The following VRK2 variants were observed in gnomAD, a reference collection of about 807,000 sequenced individuals.
VRK2 encodes the protein VRK serine/threonine kinase 2, also known as serine/threonine-protein kinase VRK2.
In VRK2, 60 loss-of-function variants were observed where a neutral mutation model predicts 57.6. The observed-to-expected ratio is 1.04, with a 90% CI of 0.85 to 1.29. VRK2 has a LOEUF of 1.29. Among genes scored for constraint, VRK2 ranks in the 50% most tolerant of loss-of-function variants. VRK2 has a pLI of 0.00. For synonymous variants in VRK2, 231 were observed against 199.2 expected (o/e 1.16, Z -1.35); for missense variants, 705 against 588.1 (o/e 1.20, Z -2.06).
chr2:58,002,157 G>A lies in VRK2; in HGVS notation c.-438-23508G>A, dbSNP rs115680003. 5.3e-5 allele frequency among the ~76,000 whole-genome samples: 8 copies of A among 152,216 alleles called. No homozygotes were observed. In the South Asian group the frequency reaches 1.7e-3, roughly 32 times the overall value. On this transcript the variant is annotated intron_variant, in intron 1 of 15. Transcript: ENST00000417641. ...CTGCTCTTTGTTGTATATAATTCTG[G>A]TGAGGAAGTAAATCTCAAGAGATAT...
chr2:57,964,532 G>A (rs1484012582), intron 1 of VRK2, among the ~76,000 whole-genome samples: 1 of 152,022 alleles, frequency 6.6e-6, no homozygotes, highest in East Asian at 1.9e-4. Flanking sequence ...TGTATAAATG[G>A]ACTCATGCAG....
intron 2 of VRK2, among the ~76,000 whole-genome samples, chr2:58,059,345 G>T (rs1676995689): frequency 6.6e-6 from 1 of 151,862 alleles, no homozygotes. Flanking sequence ...CATTTGTTTT[G>T]AGTCAAATAA....
chr2:58,078,729 T>C (rs1670467774), intron 2 of VRK2, among the ~76,000 whole-genome samples: 1 of 152,126 alleles, frequency 6.6e-6, no homozygotes, highest in Non-Finnish European at 1.5e-5. Context: ...GGGGGTGATA[T>C]TGTGGTTTTG....
intron 1 of VRK2, among the ~76,000 whole-genome samples, chr2:57,910,002 A>G (rs1669937276): frequency 2.0e-5 from 3 of 152,150 alleles, no homozygotes; most frequent in Admixed American, 2.0e-4. Flanking sequence ...CACATAGTCA[A>G]TTTATAAAAA....
intron 1 of VRK2, among the ~76,000 whole-genome samples, chr2:57,910,626 C>A (rs538934819): frequency 6.6e-6 from 1 of 152,004 alleles, no homozygotes; most frequent in South Asian, 2.1e-4. Flanking sequence ...TGTTGCCAAC[C>A]TTATAGGACT....
intron 1 of VRK2, among the ~76,000 whole-genome samples, chr2:57,956,425 T>C (rs1671588909): frequency 6.6e-6 from 1 of 152,176 alleles, no homozygotes; most frequent in Non-Finnish European, 1.5e-5. Flanking sequence ...TAGTATTCAT[T>C]CGTTTTGCAC....
At chr2:58,150,301 T>A (rs1029273057) in intron 12 of VRK2, among the ~76,000 whole-genome samples, 6 of 151,378 alleles carry the variant, frequency 4.0e-5, no homozygotes, top group African/African-American at 1.5e-4. Context: ...TATAGAGTGA[T>A]CATTAGATTT....
At chr2:57,981,554 C>G (rs1437616064) in intron 1 of VRK2, among the ~76,000 whole-genome samples, 1 of 152,040 alleles carries the variant, frequency 6.6e-6, no homozygotes, top group Non-Finnish European at 1.5e-5. Context: ...CAGGGGTTCC[C>G]TGAATTTTAT....
chr2:58,108,569 C>T (rs1252817348), intron 7 of VRK2, among the ~76,000 whole-genome samples: 1 of 152,050 alleles, frequency 6.6e-6, no homozygotes, highest in Non-Finnish European at 1.5e-5. Context: ...CCGCCCTCAA[C>T]ACACACTGAC....
At chr2:58,074,668 T>TA (rs567668960) in intron 2 of VRK2, among the ~76,000 whole-genome samples, 8 of 152,200 alleles carry the variant, frequency 5.3e-5, no homozygotes, top group East Asian at 1.9e-4. Flanking sequence ...CCAATTAAAA[T>TA]AAAAAAATAA....
chr2:58,125,298 AC>A (rs1678173367), intron 8 of VRK2, among the ~76,000 whole-genome samples: 1 of 152,032 alleles, frequency 6.6e-6, no homozygotes, highest in Non-Finnish European at 1.5e-5. Flanking sequence ...AATCTGAAAG[AC>A]CTATTCAATT....
At chr2:58,122,416 G>C (rs545383850) in intron 7 of VRK2, among the ~76,000 whole-genome samples, 1 of 152,220 alleles carries the variant, frequency 6.6e-6, no homozygotes, top group East Asian at 1.9e-4. Flanking sequence ...ATATTCTATA[G>C]TTACATGTAT....
At chr2:58,000,768 A>G (rs146675966) in intron 1 of VRK2, among the ~76,000 whole-genome samples, 5 of 152,312 alleles carry the variant, frequency 3.3e-5, no homozygotes, top group Admixed American at 3.3e-4. Context: ...CAATAGCAAT[A>G]TATCTTCTAT....
At chr2:58,030,805 C>T (rs1674089239) in intron 2 of VRK2, among the ~76,000 whole-genome samples, 1 of 151,998 alleles carries the variant, frequency 6.6e-6, no homozygotes, top group Admixed American at 6.6e-5. Flanking sequence ...GAAAGTGATG[C>T]ATATGACTTC....
intron 2 of VRK2, among the ~76,000 whole-genome samples, chr2:58,051,216 G>T (rs948358041): frequency 6.6e-6 from 1 of 152,026 alleles, no homozygotes; most frequent in African/African-American, 2.4e-5. Context: ...AATATGTAAG[G>T]GAACATTCTC....
chr2:58,115,503 G>A (rs1198347175), intron 7 of VRK2, among the ~76,000 whole-genome samples: 4 of 152,056 alleles, frequency 2.6e-5, no homozygotes, highest in South Asian at 2.1e-4. Flanking sequence ...AGCGGCAGCC[G>A]CTGCATGCAG....
chr2:58,106,993 AAC>A (rs1406130390), intron 7 of VRK2, among the ~76,000 whole-genome samples: 2 of 152,110 alleles, frequency 1.3e-5, no homozygotes, highest in African/African-American at 4.8e-5. Context: ...GATAATACAA[AAC>A]ACAAATTTGC....
intron 2 of VRK2, among the ~76,000 whole-genome samples, chr2:58,079,642 A>G (rs1264280975): frequency 1.3e-5 from 2 of 152,058 alleles, no homozygotes; most frequent in African/African-American, 4.8e-5. Flanking sequence ...AGGATGGCAC[A>G]AAAGCAGTCA....
intron 1 of VRK2, among the ~76,000 whole-genome samples, chr2:57,966,404 G>A (rs961064962): frequency 6.6e-6 from 1 of 152,186 alleles, no homozygotes; most frequent in Non-Finnish European, 1.5e-5. Flanking sequence ...TAAAAGGGAA[G>A]TAAGTATATA....
Sources: allele counts gnomAD v4.1 joint callset (sites outside exome capture counted in the v4.1 genomes callset), GRCh38; gene constraint gnomAD v4.1.1; transcripts MANE v1.5; gene names NCBI Gene and HGNC (gene_info 2026-07-23, HGNC 2026-07-21).